Variants in PANX1 observed in about 807,000 individuals in gnomAD.
PANX1 encodes the protein pannexin-1.
PANX1 carries 30 observed loss-of-function variants against 38.7 expected under a neutral mutation model. The ratio of observed to expected loss-of-function variants is 0.78; its 90% confidence interval spans 0.58 to 1.05. The LOEUF (loss-of-function observed/expected upper bound fraction) is 1.05, where lower values mean the gene tolerates loss of function less well. PANX1 is among the 50% of genes least tolerant of loss of function. The pLI, the probability that PANX1 is intolerant of heterozygous loss-of-function variation, is 0.00. For synonymous variants in PANX1, 230 were observed against 212.2 expected (o/e 1.08, Z -0.73); for missense variants, 551 against 517.2 (o/e 1.07, Z -0.63).
chr11:94,138,519 T>G (rs551069477), intron 1 of PANX1, among the ~76,000 whole-genome samples: 1 of 152,326 alleles, frequency 6.6e-6, no homozygotes, highest in South Asian at 2.1e-4. Flanking sequence ...TAATTTTTAA[T>G]TTTTGTTGGT....
At chr11:94,150,105 A>T (rs1180054492) in intron 1 of PANX1, among the ~76,000 whole-genome samples, 1 of 152,200 alleles carries the variant, frequency 6.6e-6, no homozygotes, top group Middle Eastern at 3.2e-3. Context: ...GCTTTGAAAG[A>T]TGAGCCATTG....
At chr11:94,169,255 G>A (rs1020281479) in intron 2 of PANX1, among the ~76,000 whole-genome samples, 26 of 151,734 alleles carry the variant, frequency 1.7e-4, no homozygotes, top group Non-Finnish European at 2.2e-4. Context: ...GGTAGGACCA[G>A]TCAACAGAGG....
At chr11:94,159,250 G>T (rs1006590112) in intron 2 of PANX1, among the ~76,000 whole-genome samples, 1 of 152,140 alleles carries the variant, frequency 6.6e-6, no homozygotes, top group Non-Finnish European at 1.5e-5. Flanking sequence ...TTGGTATCAG[G>T]ATGATGCTGG....
intron 1 of PANX1, among the ~76,000 whole-genome samples, chr11:94,140,103 T>C (rs1046764803): frequency 6.6e-6 from 1 of 152,168 alleles, no homozygotes; most frequent in Non-Finnish European, 1.5e-5. Context: ...TCCAGATCGG[T>C]TCAGAAAGTG....
intron 2 of PANX1, among the ~76,000 whole-genome samples, chr11:94,170,117 G>A (rs377047699): frequency 6.6e-6 from 1 of 151,538 alleles, no homozygotes; most frequent in Non-Finnish European, 1.5e-5. Context: ...GTGGCATTAA[G>A]TACATTTACA....
chr11:94,171,285 C>T (rs1947163588), intron 2 of PANX1, among the ~76,000 whole-genome samples: 1 of 151,720 alleles, frequency 6.6e-6, no homozygotes, highest in South Asian at 2.1e-4. Flanking sequence ...AGGCATCCCA[C>T]TCCCTGTCTC....
At chr11:94,152,908 G>A (rs138857130) in intron 1 of PANX1, among the ~76,000 whole-genome samples, 4 of 152,186 alleles carry the variant, frequency 2.6e-5, no homozygotes, top group African/African-American at 4.8e-5. Flanking sequence ...AGTCGTGAGC[G>A]TTTCCCTTCC....
rs180948414 is a variant in PANX1 at position 94,180,139 on chromosome 11, C to T, written c.1083C>T (p.Ile361=). ...LENIKSSGQG[I]DPMLLLTNLG... is the part of the protein sequence containing the mutation. ...ATATTAAGAGCAGTGGTCAGGGGAT[C>T]GACCCAATGCTACTCCTGACAAACC... is the stretch of plus-strand genomic sequence containing the variant. Residue 361 remains isoleucine (I), a synonymous_variant, in exon 4 of 5, where the codon ATC becomes ATT. Coordinates refer to ENST00000227638, the MANE Select transcript of PANX1 (RefSeq NM_015368.4). 1.9e-5 allele frequency: 31 copies of T among 1,613,718 alleles called. No individual in the cohort carries two copies. Among genetic ancestry groups the T allele is most frequent in the Admixed American group, 1.0e-4 (6 of 59,988 alleles).
intron 1 of PANX1, among the ~76,000 whole-genome samples, chr11:94,152,599 A>G (rs542825221): frequency 2.0e-5 from 3 of 152,294 alleles, no homozygotes; most frequent in African/African-American, 7.2e-5. Flanking sequence ...GGCAAGGCCT[A>G]GCGCCAGCCC....
At chr11:94,163,728 A>C (rs1379378130) in intron 2 of PANX1, among the ~76,000 whole-genome samples, 1 of 152,172 alleles carries the variant, frequency 6.6e-6, no homozygotes, top group Non-Finnish European at 1.5e-5. Flanking sequence ...GACTGGCTTT[A>C]TAAAATTATT....
chr11:94,155,555 G>A (rs932454132), intron 2 of PANX1, among the ~76,000 whole-genome samples: 13 of 152,052 alleles, frequency 8.5e-5, no homozygotes, highest in African/African-American at 2.7e-4. Context: ...ATGGCAAAAC[G>A]CGCAATTACT....
At chr11:94,154,468 T>C (rs1946923350) in intron 2 of PANX1, among the ~76,000 whole-genome samples, 1 of 152,212 alleles carries the variant, frequency 6.6e-6, no homozygotes, top group Non-Finnish European at 1.5e-5. Context: ...TTTTGTCCAT[T>C]GTGAAAACAA....
intron 2 of PANX1, among the ~76,000 whole-genome samples, chr11:94,159,948 A>C (rs1227800027): frequency 1.3e-5 from 2 of 151,926 alleles, no homozygotes; most frequent in Non-Finnish European, 2.9e-5. Flanking sequence ...CGTTGGTTTC[A>C]AAGAACATCT....
At chr11:94,169,805 C>G (rs1370405672) in intron 2 of PANX1, among the ~76,000 whole-genome samples, 1 of 151,528 alleles carries the variant, frequency 6.6e-6, no homozygotes, top group East Asian at 1.9e-4. Flanking sequence ...CTGCTAGCAC[C>G]TTGATTTTGA....
At chr11:94,145,571 G>A (rs142827799) in intron 1 of PANX1, among the ~76,000 whole-genome samples, 1 of 152,344 alleles carries the variant, frequency 6.6e-6, no homozygotes, top group African/African-American at 2.4e-5. Flanking sequence ...ACCTAGAAGT[G>A]ATAGAAGAGA....
intron 2 of PANX1, among the ~76,000 whole-genome samples, chr11:94,156,506 C>T (rs1034842269): frequency 1.3e-5 from 2 of 152,068 alleles, no homozygotes; most frequent in Non-Finnish European, 2.9e-5. Flanking sequence ...AAAGGCTGTT[C>T]CTTGAGAATA....
rs201611242 is a variant in PANX1, at chr11:94,152,569, AGG to A, written c.182-919_182-918del. ...ACCTTTGAATGTGCCAGGTGGGGAC[AGG>A]GGATCAGGGCTGGGCCAGGCAAGGC... On this transcript the variant is annotated intron_variant, in intron 1 of 4. Coordinates refer to ENST00000227638, the MANE Select transcript of PANX1 (RefSeq NM_015368.4). 8.5e-3 allele frequency among the ~76,000 whole-genome samples: 1,254 copies of A among 148,014 alleles called. 12 individuals are homozygous for A. Among genetic ancestry groups the A allele is most frequent in the African/African-American group, 0.029 (1,150 of 39,230 alleles).
Position 94,129,148 on chromosome 11 carries a change from G to C in PANX1, c.-165G>C, listed in dbSNP as rs771974802. 3.8e-6 allele frequency: 2 copies of C among 531,906 alleles called. No homozygotes were observed. Among genetic ancestry groups the C allele is most frequent in the African/African-American group, 2.0e-5 (1 of 49,634 alleles). The allele number at this position is 531,906 out of a possible 1,614,324, so 32.9% of individuals were successfully genotyped here. ...GCGAGCGCGAGAGCCCAGCGGAGTC[G>C]CTGGGAGCCTGAGGCACCGAGACAC... On this transcript the variant is annotated 5_prime_UTR_variant, in exon 1 of 5. Coordinates refer to ENST00000227638, the MANE Select transcript of PANX1 (RefSeq NM_015368.4).
At chr11:94,155,167 A>G (rs932511499) in intron 2 of PANX1, among the ~76,000 whole-genome samples, 2 of 152,188 alleles carry the variant, frequency 1.3e-5, no homozygotes, top group Non-Finnish European at 1.5e-5. Context: ...CCTGGCCAAC[A>G]TGGTGAAACC....
Sources: gnomAD v4.1 joint callset for allele counts (sites outside exome capture counted in the v4.1 genomes callset) on GRCh38, gnomAD v4.1.1 for gene constraint, MANE v1.5 for transcripts, NCBI Gene and HGNC (gene_info 2026-07-23, HGNC 2026-07-21) for gene names.